Variants in BBS4 observed in about 807,000 individuals in gnomAD.
BBS4 encodes the protein BBSome complex member BBS4.
In BBS4, 58 loss-of-function variants were observed where a neutral mutation model predicts 71.4. That is an observed-to-expected ratio of 0.81 (90% CI 0.66 to 1.01). BBS4 has a LOEUF of 1.01. Among genes scored for constraint, BBS4 ranks in the 50% least tolerant of loss-of-function variants. BBS4 has a pLI of 0.00. For synonymous variants in BBS4, 228 were observed against 216.8 expected, an observed-to-expected ratio of 1.05 and a Z score of -0.46; for missense variants, 660 against 607.9, an observed-to-expected ratio of 1.09 and a Z score of -0.90.
At chr15:72,737,014 GT>G (rs1382532829) in intron 15 of BBS4, 51 bp downstream of exon 15, 2 of 1,578,950 alleles carry the variant, frequency 1.3e-6, no homozygotes. Flanking sequence ...AGCCACATGT[GT>G]CTGTCAGCAG....
chr15:72,704,298 G>A, intron 2 of BBS4: 7 of 475,254 alleles, frequency 1.5e-5, no homozygotes, highest in Non-Finnish European at 1.9e-5. Flanking sequence ...TGATCACTGT[G>A]CTTTATTGCA....
At chr15:72,720,810 TG>T (rs2065558443) in intron 6 of BBS4, among the ~76,000 whole-genome samples, 1 of 152,224 alleles carries the variant, frequency 6.6e-6, no homozygotes, top group African/African-American at 2.4e-5. Flanking sequence ...GGATGTCTGC[TG>T]GGTTCCCTTA....
rs112518183 is a variant in BBS4 at position 72,729,994 on chromosome 15, C to T, written c.711+310C>T. Among the ~76,000 whole-genome samples, 84 of 152,154 alleles carry T rather than the reference C, an allele frequency of 5.5e-4. 1 individual carries two copies. The highest frequency in any genetic ancestry group is 1.4e-3 in the African/African-American group (59 of 41,540). The stretch of plus-strand genomic sequence containing the variant: ...ACAACTATTGTCAAAAATAAATCTG[C>T]GGCCCGGCGCGGTGGCTCACGCCTG... On this transcript the variant is annotated intron_variant, in intron 10 of 15. Transcript: ENST00000268057.
At chr15:72,724,946 T>C (rs1379579996) in intron 8 of BBS4, among the ~76,000 whole-genome samples, 1 of 152,026 alleles carries the variant, frequency 6.6e-6, no homozygotes, top group Non-Finnish European at 1.5e-5. Context: ...CTGTTGTCTT[T>C]ACCTGCATGG....
Position 72,738,334 on chromosome 15 carries a change from C to CAGTG in BBS4, c.*749_*752dup, listed in dbSNP as rs2065969099. The CAGTG allele has an allele frequency of 2.2e-6, 1 of 453,800 alleles. No individual in the cohort carries two copies. The highest frequency in any genetic ancestry group is 2.0e-5 in the African/African-American group (1 of 49,974). 28.1% of individuals were successfully genotyped at this position (453,800 alleles called of 1,614,324 possible). A position where few individuals can be genotyped will look rare whatever the true frequency, so the allele number is the denominator to read the frequency against. ...ATGAGTAATTGTTATTGAAGATAGT[C>CAGTG]AGTGATAACCACTGACCAGATGCTA... On this transcript the variant is annotated 3_prime_UTR_variant, in exon 16 of 16. Coordinates refer to ENST00000268057, the MANE Select transcript of BBS4 (RefSeq NM_033028.5).
chr15:72,723,605 A>C (rs578008774), intron 7 of BBS4, among the ~76,000 whole-genome samples: 3 of 152,220 alleles, frequency 2.0e-5, no homozygotes. Context: ...GTTTGTGTCA[A>C]TTTGCAGACT....
At chr15:72,690,509 T>C (rs1360959057) in intron 1 of BBS4, among the ~76,000 whole-genome samples, 5 of 152,194 alleles carry the variant, frequency 3.3e-5, no homozygotes, top group South Asian at 2.1e-4. Context: ...TAACATTCTT[T>C]AGTAGTATAT....
At chr15:72,690,429 C>T (rs1415636898) in intron 1 of BBS4, among the ~76,000 whole-genome samples, 2 of 152,134 alleles carry the variant, frequency 1.3e-5, no homozygotes, top group South Asian at 2.1e-4. Flanking sequence ...GTAAAAGACT[C>T]ATCAAAAAAA....
chr15:72,736,729 T>C, intron 14 of BBS4, 33 bp from the exon 15 acceptor site: 1 of 1,611,558 alleles, frequency 6.2e-7, no homozygotes, highest in Non-Finnish European at 8.5e-7. Flanking sequence ...ACAGTCACGC[T>C]TTTGATTCTT....
chr15:72,727,845 G>A lies in BBS4; in HGVS notation c.588-95G>A, dbSNP rs2065731794. On this transcript the variant is annotated intron_variant, in intron 8 of 15. Transcript: ENST00000268057. The stretch of plus-strand genomic sequence containing the variant: ...CACGGGGAGGAAGAGGCTCAGTGGG[G>A]TCTGTCAAGTATTGCACGAGGGCAT... The A allele has an allele frequency of 5.3e-6, 5 of 943,126 alleles. No homozygotes were observed. The Admixed American group carries it at 8.8e-5, about 17-fold the overall frequency. 58.4% of individuals were successfully genotyped at this position (943,126 alleles called of 1,614,324 possible). A position where few individuals can be genotyped will look rare whatever the true frequency, so the allele number is the denominator to read the frequency against.
chr15:72,693,067 T>C (rs1308023273), intron 1 of BBS4, among the ~76,000 whole-genome samples: 2 of 152,166 alleles, frequency 1.3e-5, no homozygotes, highest in East Asian at 3.8e-4. Flanking sequence ...AAAAAATACA[T>C]GTTTACTGTA....
chr15:72,731,756 C>G, intron 12 of BBS4, 30 bp downstream of exon 12: 2 of 1,613,066 alleles, frequency 1.2e-6, no homozygotes, highest in Non-Finnish European at 1.7e-6. Flanking sequence ...AAAACTCTCT[C>G]TGCCATCTGT....
intron 2 of BBS4, among the ~76,000 whole-genome samples, chr15:72,696,905 A>G (rs2150999570): frequency 6.6e-6 from 1 of 151,296 alleles, no homozygotes; most frequent in East Asian, 2.0e-4. Context: ...TAAATTTTTC[A>G]GTGGCTTTTA....
rs373861071 is a variant in BBS4 at position 72,686,258 on chromosome 15, G to C, written c.24+7G>C. ...TGAGGAGAGAGTCGCGACGGTGAGCGCCGAGATTCTCTTTAGTTGCCCGGC... is the reference window on the plus strand; with the variant it reads ...TGAGGAGAGAGTCGCGACGGTGAGCCCCGAGATTCTCTTTAGTTGCCCGGC... On this transcript the variant is annotated splice_region_variant and intron_variant, in intron 1 of 15. Transcript: ENST00000268057. 1 of 1,564,940 alleles carries C rather than the reference G, an allele frequency of 6.4e-7. No individual in the cohort carries two copies. The highest frequency in any genetic ancestry group is 8.7e-7 in the Non-Finnish European group (1 of 1,155,516).
chr15:72,716,909 C>T, intron 6 of BBS4, 59 bp downstream of exon 6: 1 of 1,193,016 alleles, frequency 8.4e-7, no homozygotes. Flanking sequence ...TTCCATTTAT[C>T]ATCTGGCTGT....
Position 72,708,455 on chromosome 15 carries a change from G to C in BBS4, c.77-1245G>C, listed in dbSNP as rs189890083. 2.0e-4 allele frequency among the ~76,000 whole-genome samples: 30 copies of C among 152,072 alleles called. No homozygotes were observed. The East Asian group carries it at 5.6e-3, about 28-fold the overall frequency. On this transcript the variant is annotated intron_variant, in intron 2 of 15. Coordinates refer to ENST00000268057, the MANE Select transcript of BBS4 (RefSeq NM_033028.5). ...TTAATCTCTTAATCCTGTTATCTTC[G>C]TAAGCTGAGGATGTACCTCACCTCA... is the stretch of plus-strand genomic sequence containing the variant.
intron 2 of BBS4, 108 bp downstream of exon 2, chr15:72,695,336 G>A: frequency 1.4e-6 from 1 of 728,530 alleles, no homozygotes; most frequent in Non-Finnish European, 2.2e-6. Context: ...CACCCAGGCT[G>A]GAGTGCAGTA....
chr15:72,710,627 A>T (rs2065352335), intron 3 of BBS4, among the ~76,000 whole-genome samples: 1 of 152,184 alleles, frequency 6.6e-6, no homozygotes. Context: ...ACTTGCAGGC[A>T]GACAGTGGTA....
intron 10 of BBS4, among the ~76,000 whole-genome samples, chr15:72,730,014 C>T (rs1476854975): frequency 4.6e-5 from 7 of 152,108 alleles, no homozygotes; most frequent in African/African-American, 1.4e-4. Context: ...CGGTGGCTCA[C>T]GCCTGTAATC....
Sources: gnomAD v4.1 joint callset for allele counts (sites outside exome capture counted in the v4.1 genomes callset) on GRCh38, gnomAD v4.1.1 for gene constraint, MANE v1.5 for transcripts, NCBI Gene and HGNC (gene_info 2026-07-23, HGNC 2026-07-21) for gene names.